GPBP1: variants seen among roughly 807,000 people sequenced by gnomAD.
The protein encoded by GPBP1 is GC-rich promoter binding protein 1.
In GPBP1, 13 loss-of-function variants were observed where a neutral mutation model predicts 56.5. The observed-to-expected ratio is 0.23, with a 90% CI of 0.15 to 0.37. The LOEUF (loss-of-function observed/expected upper bound fraction) is 0.37, where lower values mean the gene tolerates loss of function less well. Ranked by LOEUF, GPBP1 falls within the 10% of genes least tolerant of loss-of-function variation. The pLI, the probability that GPBP1 is intolerant of heterozygous loss-of-function variation, is 1.00. For synonymous variants in GPBP1, 204 were observed against 188.9 expected (o/e 1.08, Z -0.66); for missense variants, 477 against 572.3 (o/e 0.83, Z 1.70).
chr5:57,204,465 T>A (rs2111714337), intron 2 of GPBP1, among the ~76,000 whole-genome samples: 1 of 152,314 alleles, frequency 6.6e-6, no homozygotes, highest in East Asian at 1.9e-4. Context: ...TTGACCAGGC[T>A]GGTCTCAAAC....
At chr5:57,201,617 A>G (rs1417398909) in intron 2 of GPBP1, among the ~76,000 whole-genome samples, 1 of 152,232 alleles carries the variant, frequency 6.6e-6, no homozygotes, top group Non-Finnish European at 1.5e-5. Context: ...CACCTAGGGT[A>G]GCCGACACCT....
chr5:57,182,518 G>A (rs961394244), intron 2 of GPBP1, among the ~76,000 whole-genome samples: 13 of 151,328 alleles, frequency 8.6e-5, no homozygotes, highest in African/African-American at 3.2e-4. Context: ...GATTATAGGC[G>A]CCTGGCACCA....
intron 3 of GPBP1, among the ~76,000 whole-genome samples, chr5:57,220,534 A>G (rs1755910353): frequency 6.7e-6 from 1 of 148,372 alleles, no homozygotes; most frequent in South Asian, 2.1e-4. Context: ...ATCTCTGCTC[A>G]CTGTAACCTC....
chr5:57,249,167 CTAAT>C (rs1741242674), intron 8 of GPBP1: 1 of 350,116 alleles, frequency 2.9e-6, no homozygotes, highest in Non-Finnish European at 5.2e-6. Context: ...TAATAGACAC[CTAAT>C]TTAGAATCAT....
At position 57,214,080 on chromosome 5, in the gene GPBP1, G is replaced by C; in HGVS notation, c.-51G>C. ...TTCCATTTTTATGTGACAGGGACTT[G>C]CCATGAGGTGTTGAAGCCTTGTTTC... On this transcript the variant is annotated 5_prime_UTR_variant, in exon 3 of 12. Coordinates refer to ENST00000506184, the MANE Select transcript of GPBP1 (RefSeq NM_022913.4). 6.8e-7 allele frequency: 1 copy of C among 1,468,418 alleles called. No homozygotes were observed. The highest frequency in any genetic ancestry group is 9.5e-7 in the Non-Finnish European group (1 of 1,047,490). The allele number at this position is 1,468,418 out of a possible 1,614,324, so 91.0% of individuals were successfully genotyped here.
Position 57,230,973 on chromosome 5 carries a change from A to C in GPBP1, c.187+4A>C. 1.3e-6 allele frequency: 2 copies of C among 1,592,442 alleles called. No homozygotes were observed. The highest frequency in any genetic ancestry group is 1.7e-6 in the Non-Finnish European group (2 of 1,172,646). On this transcript the variant is annotated splice_donor_region_variant and intron_variant, in intron 4 of 11. Coordinates refer to ENST00000506184, the MANE Select transcript of GPBP1 (RefSeq NM_022913.4). ...GCTATTGGGCGTCCTAATGGAGGTA[A>C]AATTTGCTAAGGAATGATGTTTATG...
intron 3 of GPBP1, chr5:57,221,254 C>A: frequency 1.6e-6 from 1 of 625,280 alleles, no homozygotes; most frequent in Non-Finnish European, 2.7e-6. Flanking sequence ...TTTTCATTTT[C>A]ATGTATATGT....
intron 2 of GPBP1, among the ~76,000 whole-genome samples, chr5:57,186,349 G>A (rs1008128776): frequency 2.0e-5 from 3 of 151,310 alleles, no homozygotes; most frequent in African/African-American, 4.9e-5. Flanking sequence ...TTGTGGCACT[G>A]CACTCTGGTC....
intron 2 of GPBP1, among the ~76,000 whole-genome samples, chr5:57,207,146 A>G (rs1287259046): frequency 1.3e-5 from 2 of 152,106 alleles, no homozygotes; most frequent in African/African-American, 2.4e-5. Context: ...TATTTTTCCT[A>G]AGAAGATCTA....
At chr5:57,189,832 C>G (rs1471585618) in intron 2 of GPBP1, among the ~76,000 whole-genome samples, 1 of 152,184 alleles carries the variant, frequency 6.6e-6, no homozygotes, top group African/African-American at 2.4e-5. Context: ...TTTCTCTTAC[C>G]TGAACACGAG....
At chr5:57,179,613 T>C (rs1753952304) in intron 2 of GPBP1, among the ~76,000 whole-genome samples, 1 of 152,334 alleles carries the variant, frequency 6.6e-6, no homozygotes, top group Non-Finnish European at 1.5e-5. Flanking sequence ...TTGGGTTTTT[T>C]TGAGACAGAG....
chr5:57,253,454 G>T (rs1325863762), intron 10 of GPBP1, among the ~76,000 whole-genome samples: 1 of 152,102 alleles, frequency 6.6e-6, no homozygotes, highest in Non-Finnish European at 1.5e-5. Flanking sequence ...GGAAAACTGG[G>T]TTATATCTCC....
chr5:57,196,394 ATAG>A lies in GPBP1; in HGVS notation c.-57-17676_-57-17674del, dbSNP rs555512861. On this transcript the variant is annotated intron_variant, in intron 2 of 11. Coordinates refer to ENST00000506184, the MANE Select transcript of GPBP1 (RefSeq NM_022913.4). Reference sequence around the variant, plus strand: ...ATGGAATTAATTTGTTATCAAATTGATAGTAGAGAAATTTAATCTGGTGGATTT... The same window carrying A: ...ATGGAATTAATTTGTTATCAAATTGATAGAGAAATTTAATCTGGTGGATTT... Among the ~76,000 whole-genome samples, 15 of 152,232 alleles carry A rather than the reference ATAG, an allele frequency of 9.9e-5. No individual in the cohort carries two copies. In the South Asian group the frequency reaches 2.7e-3, roughly 27 times the overall value.
At chr5:57,246,545 G>A (rs938596259) in intron 7 of GPBP1, 61 bp downstream of exon 7, 3 of 1,371,984 alleles carry the variant, frequency 2.2e-6, no homozygotes, top group African/African-American at 2.9e-5. Flanking sequence ...TGTCCTATGG[G>A]GGGAAATGTT....
At chr5:57,211,576 TTTGTTGTTG>T (rs71287163) in intron 2 of GPBP1, among the ~76,000 whole-genome samples, 1 of 150,916 alleles carries the variant, frequency 6.6e-6, no homozygotes, top group East Asian at 1.9e-4. Flanking sequence ...CTCCGGGGAT[TTTGTTGTTG>T]TTGTTGTTGT....
At chr5:57,230,121 C>CG (rs1350560310) in intron 3 of GPBP1, among the ~76,000 whole-genome samples, 1 of 151,816 alleles carries the variant, frequency 6.6e-6, no homozygotes, top group Admixed American at 6.6e-5. Context: ...TTAGTAGAGA[C>CG]GGGGTTTCTC....
intron 2 of GPBP1, among the ~76,000 whole-genome samples, chr5:57,210,121 AAG>A (rs902583938): frequency 2.2e-4 from 33 of 149,318 alleles, no homozygotes; most frequent in Non-Finnish European, 3.6e-4. Flanking sequence ...CATAACAAGA[AAG>A]AGAAAAAAGT....
chr5:57,210,855 A>G (rs1449088102), intron 2 of GPBP1, among the ~76,000 whole-genome samples: 7 of 152,072 alleles, frequency 4.6e-5, no homozygotes, highest in African/African-American at 1.7e-4. Flanking sequence ...ATGTGTCCAA[A>G]TTTCTTATAA....
rs952589853 is a variant in GPBP1 at position 57,194,186 on chromosome 5, G to GT, written c.-58+17791dup. Among the ~76,000 whole-genome samples the GT allele has an allele frequency of 2.0e-5, 3 of 152,020 alleles. No homozygotes were observed. The South Asian group carries it at 6.2e-4, about 31-fold the overall frequency. On this transcript the variant is annotated intron_variant, in intron 2 of 11. Coordinates refer to ENST00000506184, the MANE Select transcript of GPBP1 (RefSeq NM_022913.4). ...ATTGATGTATATTAGCCTGTTTCTT[G>GT]TTTTTGTTTCTTTTTTGCTATTATG...
Sources: gnomAD v4.1 joint callset for allele counts (sites outside exome capture counted in the v4.1 genomes callset) on GRCh38, gnomAD v4.1.1 for gene constraint, MANE v1.5 for transcripts, NCBI Gene and HGNC (gene_info 2026-07-23, HGNC 2026-07-21) for gene names.